Variants in NLGN1 observed in about 807,000 individuals in gnomAD.
The protein encoded by NLGN1 is neuroligin-1.
Under a neutral mutation model 65.5 loss-of-function variants are expected in NLGN1, and 12 were observed. That is an observed-to-expected ratio of 0.18 (90% CI 0.12 to 0.30). The LOEUF (loss-of-function observed/expected upper bound fraction) is 0.30, where lower values mean the gene tolerates loss of function less well. Ranked by LOEUF, NLGN1 falls within the 10% of genes least tolerant of loss-of-function variation. The pLI is 1.00. For missense variants in NLGN1, 750 were observed against 1,007.1 expected (o/e 0.74, Z 3.46); for synonymous variants, 350 against 359.5 (o/e 0.97, Z 0.30).
chr3:174,011,416 C>A (rs1207495963), intron 4 of NLGN1, among the ~76,000 whole-genome samples: 1 of 152,052 alleles, frequency 6.6e-6, no homozygotes, highest in Non-Finnish European at 1.5e-5. Flanking sequence ...ATTTTCATTT[C>A]CTTGGTACCC....
At chr3:173,482,911 G>A (rs1560316625) in intron 2 of NLGN1, among the ~76,000 whole-genome samples, 1 of 151,874 alleles carries the variant, frequency 6.6e-6, no homozygotes, top group Admixed American at 6.6e-5. Flanking sequence ...GACAAAAAAC[G>A]TCTACTTTGA....
intron 4 of NLGN1, among the ~76,000 whole-genome samples, chr3:174,008,078 C>T (rs1283489124): frequency 1.3e-5 from 2 of 152,128 alleles, no homozygotes; most frequent in East Asian, 3.9e-4. Context: ...TATCCATTAG[C>T]TTTTGCTGGC....
At chr3:173,942,378 A>T (rs775187737) in intron 4 of NLGN1, among the ~76,000 whole-genome samples, 1 of 152,142 alleles carries the variant, frequency 6.6e-6, no homozygotes, top group Non-Finnish European at 1.5e-5. Flanking sequence ...AAGCAGGATC[A>T]TAAGTGTAAA....
rs144661682 is a variant in NLGN1, at chr3:173,531,946, C to T, written c.-320-72333C>T. 1.0e-3 allele frequency among the ~76,000 whole-genome samples: 155 copies of T among 152,232 alleles called. 1 individual carries two copies. Among genetic ancestry groups the T allele is most frequent in the Middle Eastern group, 6.8e-3 (2 of 294 alleles). On this transcript the variant is annotated intron_variant, in intron 2 of 6. Coordinates refer to ENST00000457714, the Ensembl canonical transcript of NLGN1. ...TATTAAGTTTCCCCGGGCTCTTCAG[C>T]CAAAGTGGAGTTCTATTTTATAGAA...
intron 4 of NLGN1, among the ~76,000 whole-genome samples, chr3:174,028,428 C>G (rs1729278839): frequency 6.6e-6 from 1 of 152,200 alleles, no homozygotes. Flanking sequence ...AAAGGTGACT[C>G]TTGCTATGTT....
intron 4 of NLGN1, among the ~76,000 whole-genome samples, chr3:173,869,901 G>A (rs560271285): frequency 6.6e-6 from 1 of 152,222 alleles, no homozygotes; most frequent in Admixed American, 6.5e-5. Context: ...AAGTATTCCA[G>A]CAGGCAGAGG....
At chr3:173,469,963 A>G (rs1341920949) in intron 2 of NLGN1, among the ~76,000 whole-genome samples, 1 of 150,414 alleles carries the variant, frequency 6.6e-6, no homozygotes, top group Non-Finnish European at 1.5e-5. Context: ...TAATAATTAT[A>G]CTTTTATGTT....
At chr3:173,978,801 G>A (rs1329853639) in intron 4 of NLGN1, among the ~76,000 whole-genome samples, 1 of 143,252 alleles carries the variant, frequency 7.0e-6, no homozygotes, top group Non-Finnish European at 1.5e-5. Context: ...TTCGAGACCA[G>A]CCTGGCTAAC....
intron 4 of NLGN1, among the ~76,000 whole-genome samples, chr3:174,082,782 G>A (rs1435175171): frequency 6.6e-6 from 1 of 151,868 alleles, no homozygotes; most frequent in African/African-American, 2.4e-5. Context: ...GTGCAATGGT[G>A]CAGTCTCGGC....
chr3:173,716,681 TATA>T (rs770144338), intron 3 of NLGN1, among the ~76,000 whole-genome samples: 11 of 152,154 alleles, frequency 7.2e-5, no homozygotes, highest in Non-Finnish European at 1.3e-4. Flanking sequence ...TAATGATGAT[TATA>T]ATGAGTTTTA....
chr3:173,592,386 C>G (rs970748394), intron 2 of NLGN1, among the ~76,000 whole-genome samples: 1 of 152,134 alleles, frequency 6.6e-6, no homozygotes, highest in African/African-American at 2.4e-5. Context: ...TCACCTTAAT[C>G]TTTTTCTCTT....
chr3:173,495,680 GAA>G (rs5854510), intron 2 of NLGN1, among the ~76,000 whole-genome samples: 61 of 130,334 alleles, frequency 4.7e-4, no homozygotes, highest in African/African-American at 1.3e-3. Flanking sequence ...AGTCTTTTTT[GAA>G]AAAAAAAAAA....
chr3:173,829,554 GTGTGTGTGTGTGTGTGTT>G (rs1280597231), intron 4 of NLGN1, among the ~76,000 whole-genome samples: 11 of 12,388 alleles, frequency 8.9e-4, no homozygotes, highest in African/African-American at 4.6e-3. Flanking sequence ...GAGTGTGTGC[GTGTGTGTGTGTGTGTGTT>G]TGTGTGTGTG....
chr3:173,933,933 G>A (rs943722919), intron 4 of NLGN1, among the ~76,000 whole-genome samples: 7 of 151,792 alleles, frequency 4.6e-5, no homozygotes, highest in Non-Finnish European at 8.8e-5. Flanking sequence ...TATATTATAA[G>A]TGAATAAGGA....
chr3:173,544,082 A>G (rs949051504), intron 2 of NLGN1, among the ~76,000 whole-genome samples: 2 of 152,110 alleles, frequency 1.3e-5, no homozygotes, highest in Non-Finnish European at 2.9e-5. Context: ...TAATTGAGGA[A>G]CAGAATGTTC....
intron 2 of NLGN1, among the ~76,000 whole-genome samples, chr3:173,548,610 A>AT (rs1208707813): frequency 6.6e-6 from 1 of 151,926 alleles, no homozygotes; most frequent in Non-Finnish European, 1.5e-5. Context: ...ACAGTATGTG[A>AT]TTTTAGTTTG....
chr3:173,882,895 T>C (rs141945446), intron 4 of NLGN1, among the ~76,000 whole-genome samples: 1,731 of 151,508 alleles, frequency 0.011, 26 homozygotes, highest in African/African-American at 0.04. Flanking sequence ...TGTTTAATCA[T>C]TTCTAGGTTT....
intron 3 of NLGN1, among the ~76,000 whole-genome samples, chr3:173,771,229 T>A (rs1180435749): frequency 6.6e-6 from 1 of 152,206 alleles, no homozygotes; most frequent in African/African-American, 2.4e-5. Flanking sequence ...TATGATAACA[T>A]CTGTGAGCAC....
chr3:174,158,946 T>A (rs141217792), intron 4 of NLGN1, among the ~76,000 whole-genome samples: 348 of 151,670 alleles, frequency 2.3e-3, no homozygotes, highest in Non-Finnish European at 4.3e-3. Flanking sequence ...TGCACTCAAC[T>A]TTTTTTCAGT....
Sources: gnomAD v4.1 joint callset for allele counts (sites outside exome capture counted in the v4.1 genomes callset) on GRCh38, gnomAD v4.1.1 for gene constraint, MANE v1.5 for transcripts, NCBI Gene and HGNC (gene_info 2026-07-23, HGNC 2026-07-21) for gene names.